Variants in GABBR2 observed in about 807,000 individuals in gnomAD.
The protein encoded by GABBR2 is G-protein coupled receptor 51.
In GABBR2, 23 loss-of-function variants were observed where a neutral mutation model predicts 105.6. The observed-to-expected ratio is 0.22, with a 90% CI of 0.16 to 0.31. GABBR2 has a LOEUF of 0.31. Ranked by LOEUF, GABBR2 falls within the 10% of genes least tolerant of loss-of-function variation. The pLI is 1.00. For missense variants in GABBR2, 734 were observed against 1,245.5 expected, an observed-to-expected ratio of 0.59 and a Z score of 6.18; for synonymous variants, 478 against 499.7, an observed-to-expected ratio of 0.96 and a Z score of 0.58.
intron 11 of GABBR2, among the ~76,000 whole-genome samples, chr9:98,384,968 A>G (rs1289567869): frequency 6.6e-6 from 1 of 152,234 alleles, no homozygotes; most frequent in Admixed American, 6.5e-5. Context: ...CCACTTAAAT[A>G]GAAAATAACA....
chr9:98,519,428 T>G (rs2779572), intron 3 of GABBR2, among the ~76,000 whole-genome samples: 73,452 of 152,130 alleles, frequency 0.48, 18,299 homozygotes, highest in East Asian at 0.76. Flanking sequence ...ATTAGAGAAG[T>G]CTGCACATCC....
At chr9:98,648,358 C>A (rs1020088987) in intron 1 of GABBR2, among the ~76,000 whole-genome samples, 9 of 152,024 alleles carry the variant, frequency 5.9e-5, no homozygotes, top group Admixed American at 5.2e-4. Context: ...GTCTCGAACC[C>A]CTGACCTCAG....
At chr9:98,628,836 C>T (rs1711743301) in intron 1 of GABBR2, among the ~76,000 whole-genome samples, 1 of 152,184 alleles carries the variant, frequency 6.6e-6, no homozygotes, top group Non-Finnish European at 1.5e-5. Flanking sequence ...CCCCAGCTTC[C>T]TCCCGTGAAG....
intron 1 of GABBR2, among the ~76,000 whole-genome samples, chr9:98,642,597 G>A (rs1205066464): frequency 6.6e-6 from 1 of 152,094 alleles, no homozygotes; most frequent in Non-Finnish European, 1.5e-5. Flanking sequence ...ATTCCCTCTA[G>A]CCCAGTGTTT....
chr9:98,541,876 A>C lies in GABBR2; in HGVS notation c.627T>G (p.Ser209=), dbSNP rs766659428. 1 of 1,613,824 alleles carries C rather than the reference A, an allele frequency of 6.2e-7. No individual in the cohort carries two copies. The highest frequency in any genetic ancestry group is 8.5e-7 in the Non-Finnish European group (1 of 1,179,824). The stretch of plus-strand genomic sequence containing the variant: ...TGTCCACACAAGCCGAGCGTACCTC[A>C]GAGAACCTCTGAACGTCTTGCGTCA... ...GTLTQDVQRF[S]EVRNDLTGVL... is the part of the protein sequence containing the mutation. Residue 209 remains serine, a synonymous_variant, in exon 3 of 19, where the codon TCT becomes TCG. Coordinates refer to ENST00000259455, the MANE Select transcript of GABBR2 (RefSeq NM_005458.8).
intron 5 of GABBR2, among the ~76,000 whole-genome samples, chr9:98,479,462 T>C (rs1483482753): frequency 6.6e-6 from 1 of 152,232 alleles, no homozygotes; most frequent in Non-Finnish European, 1.5e-5. Context: ...CCAAGCTGAT[T>C]GGCTCCTGAG....
rs1828947201 is a variant in GABBR2 at position 98,578,122 on chromosome 9, C to G, written c.322-50G>C. 5 of 1,603,214 alleles carry G rather than the reference C, an allele frequency of 3.1e-6. No homozygotes were observed. In the South Asian group the frequency reaches 4.4e-5, roughly 14 times the overall value. On this transcript the variant is annotated intron_variant, in intron 1 of 18. Transcript: ENST00000259455. ...AGGTCCAAATTAGAAACAGCTTTTC[C>G]CCAGGGGCATGAGCCCAACAAACAA...
intron 15 of GABBR2, 101 bp from the exon 16 acceptor site, chr9:98,303,524 A>G (rs1830503405): frequency 1.9e-6 from 2 of 1,041,904 alleles, no homozygotes; most frequent in African/African-American, 3.2e-5. Flanking sequence ...TCTGGAGGCG[A>G]TAAGAGGCCC....
At chr9:98,686,690 T>C (rs1252702045) in intron 1 of GABBR2, among the ~76,000 whole-genome samples, 1 of 152,156 alleles carries the variant, frequency 6.6e-6, no homozygotes, top group Non-Finnish European at 1.5e-5. Flanking sequence ...GCCACTGCAC[T>C]GGGCCTAAAA....
chr9:98,478,443 G>C lies in GABBR2; in HGVS notation c.798+2489C>G, dbSNP rs577427972. Among the ~76,000 whole-genome samples the C allele has an allele frequency of 2.0e-5, 3 of 152,268 alleles. No homozygotes were observed. The East Asian group carries it at 5.8e-4, about 29-fold the overall frequency. ...TCCTTGAGGGCAGATTCCATCTGGGGACCCAACACATGGACACTATACCCA... is the reference window on the plus strand; with the variant it reads ...TCCTTGAGGGCAGATTCCATCTGGGCACCCAACACATGGACACTATACCCA... On this transcript the variant is annotated intron_variant, in intron 5 of 18. Coordinates refer to ENST00000259455, the MANE Select transcript of GABBR2 (RefSeq NM_005458.8).
intron 11 of GABBR2, among the ~76,000 whole-genome samples, chr9:98,373,469 C>T (rs1343794279): frequency 1.3e-5 from 2 of 152,162 alleles, no homozygotes; most frequent in African/African-American, 4.8e-5. Context: ...TGACCCGGTC[C>T]AGGCCTCTCT....
At chr9:98,580,124 C>A (rs1044776656) in intron 1 of GABBR2, among the ~76,000 whole-genome samples, 5 of 152,130 alleles carry the variant, frequency 3.3e-5, no homozygotes, top group Admixed American at 3.3e-4. Context: ...CCAAGTGAAG[C>A]CCTACCAACC....
At chr9:98,317,807 C>A (rs1182998583) in intron 13 of GABBR2, among the ~76,000 whole-genome samples, 1 of 152,168 alleles carries the variant, frequency 6.6e-6, no homozygotes, top group African/African-American at 2.4e-5. Flanking sequence ...GGAACGGGGG[C>A]TGCTCAACAA....
intron 13 of GABBR2, among the ~76,000 whole-genome samples, chr9:98,320,307 T>G (rs900344007): frequency 4.6e-5 from 7 of 151,588 alleles, no homozygotes; most frequent in Non-Finnish European, 2.9e-5. Context: ...AGAATGGCGA[T>G]CATTAAAAAG....
intron 13 of GABBR2, among the ~76,000 whole-genome samples, chr9:98,344,231 T>C (rs557086077): frequency 6.6e-6 from 1 of 152,086 alleles, no homozygotes; most frequent in South Asian, 2.1e-4. Context: ...TGAGTTCCCA[T>C]CTCCAGCCCA....
At chr9:98,321,119 T>G (rs1830814092) in intron 13 of GABBR2, among the ~76,000 whole-genome samples, 1 of 152,014 alleles carries the variant, frequency 6.6e-6, no homozygotes, top group South Asian at 2.1e-4. Context: ...TCCAGCAGGC[T>G]CAGGACCTTC....
intron 4 of GABBR2, among the ~76,000 whole-genome samples, chr9:98,481,867 C>CAGTTAATAGGAA (rs1367138519): frequency 3.3e-5 from 5 of 152,364 alleles, no homozygotes; most frequent in Admixed American, 6.5e-5. Flanking sequence ...ACAGTGACCC[C>CAGTTAATAGGAA]TGTGACTCAT....
intron 7 of GABBR2, among the ~76,000 whole-genome samples, chr9:98,444,082 A>T (rs779992039): frequency 3.3e-5 from 5 of 152,210 alleles, no homozygotes; most frequent in Non-Finnish European, 7.3e-5. Context: ...TGAGTAAATC[A>T]TTGAACTTTG....
At chr9:98,300,055 G>A (rs1216443749) in intron 16 of GABBR2, among the ~76,000 whole-genome samples, 4 of 151,294 alleles carry the variant, frequency 2.6e-5, no homozygotes, top group East Asian at 1.9e-4. Flanking sequence ...GTAGAGATGG[G>A]GTCTCTCTAT....
Sources: allele counts gnomAD v4.1 joint callset (sites outside exome capture counted in the v4.1 genomes callset), GRCh38; gene constraint gnomAD v4.1.1; transcripts MANE v1.5; gene names NCBI Gene and HGNC (gene_info 2026-07-23, HGNC 2026-07-21).